SAMD5: variants seen among roughly 807,000 people sequenced by gnomAD.
SAMD5 encodes sterile alpha motif domain containing 5.
In SAMD5, 13 loss-of-function variants were observed where a neutral mutation model predicts 11.3. That is an observed-to-expected ratio of 1.15 (90% CI 0.75 to 1.83). The LOEUF is 1.83. Among genes scored for constraint, SAMD5 ranks in the 40% most tolerant of loss-of-function variants. The pLI is 0.00. For synonymous variants in SAMD5, 129 were observed against 111.3 expected (o/e 1.16, Z -1.00); for missense variants, 255 against 239.1 (o/e 1.07, Z -0.44).
chr6:147,594,210 AT>A, intron 1 of SAMD5, among the ~76,000 whole-genome samples: 1 of 152,184 alleles, frequency 6.6e-6, no homozygotes, highest in Non-Finnish European at 1.5e-5. Flanking sequence ...GAAGTAGACC[AT>A]TTGTGAATTG....
intron 1 of SAMD5, among the ~76,000 whole-genome samples, chr6:147,621,281 T>C (rs988176318): frequency 6.6e-6 from 1 of 152,122 alleles, no homozygotes; most frequent in African/African-American, 2.4e-5. Context: ...AATAAAACAG[T>C]GACAGTGAGA....
chr6:147,531,450 A>G (rs1788429109), intron 1 of SAMD5, among the ~76,000 whole-genome samples: 1 of 152,260 alleles, frequency 6.6e-6, no homozygotes, highest in African/African-American at 2.4e-5. Context: ...TTATTTCCAT[A>G]TAATGTGAAG....
At chr6:147,596,316 G>A (rs7750010) in intron 1 of SAMD5, among the ~76,000 whole-genome samples, 6,666 of 152,154 alleles carry the variant, frequency 0.044, 224 homozygotes, top group Admixed American at 0.098. Context: ...CAGTGCCTTC[G>A]ATACTGTAAA....
the SAMD5 span, among the ~76,000 whole-genome samples, chr6:147,828,661 C>T: frequency 1.3e-5 from 2 of 152,228 alleles, no homozygotes; most frequent in African/African-American, 2.4e-5. Flanking sequence ...TTGCTCTCAG[C>T]TTGCAAACAG....
the SAMD5 span, among the ~76,000 whole-genome samples, chr6:147,944,342 A>G: frequency 6.6e-6 from 1 of 152,216 alleles, no homozygotes; most frequent in African/African-American, 2.4e-5. Flanking sequence ...GGCGAAGGAA[A>G]GGAGGAGCAA....
chr6:147,747,023 G>A, the SAMD5 span, among the ~76,000 whole-genome samples: 2 of 152,166 alleles, frequency 1.3e-5, no homozygotes, highest in African/African-American at 4.8e-5. Flanking sequence ...TAAATATCAT[G>A]TCAAAAGAAA....
At chr6:147,891,767 C>A in the SAMD5 span, among the ~76,000 whole-genome samples, 3 of 151,792 alleles carry the variant, frequency 2.0e-5, no homozygotes, top group African/African-American at 4.8e-5. Flanking sequence ...TGCTTTCCAC[C>A]GTGACAGAGT....
intron 1 of SAMD5, chr6:147,692,390 C>CT (rs1791116281): frequency 6.6e-6 from 1 of 152,166 alleles, no homozygotes; most frequent in Non-Finnish European, 1.5e-5. Context: ...TGTATTTTCT[C>CT]TTTTTGCAGG....
the SAMD5 span, among the ~76,000 whole-genome samples, chr6:147,786,398 T>G: frequency 1.3e-5 from 2 of 152,342 alleles, no homozygotes; most frequent in South Asian, 4.1e-4. Flanking sequence ...TGATCTGCAG[T>G]CTAATTTATT....
the SAMD5 span, among the ~76,000 whole-genome samples, chr6:147,779,731 A>G: frequency 6.6e-6 from 1 of 152,196 alleles, no homozygotes; most frequent in Non-Finnish European, 1.5e-5. Context: ...GAGAGATAGC[A>G]CTATATGTAT....
At chr6:147,730,306 A>G (rs1791696064) in intron 1 of SAMD5, 1 of 323,620 alleles carries the variant, frequency 3.1e-6, no homozygotes, top group Admixed American at 3.9e-5. Flanking sequence ...GGGACTAAAC[A>G]CAGACTAAAG....
chr6:147,763,430 G>C, the SAMD5 span, among the ~76,000 whole-genome samples: 1 of 151,580 alleles, frequency 6.6e-6, no homozygotes, highest in Non-Finnish European at 1.5e-5. Context: ...TCAAAGTGCT[G>C]GGATTACAGG....
At chr6:147,689,698 C>T (rs910990029) in intron 1 of SAMD5, among the ~76,000 whole-genome samples, 21 of 152,252 alleles carry the variant, frequency 1.4e-4, no homozygotes, top group African/African-American at 4.8e-4. Flanking sequence ...TTTAGGAAAA[C>T]AATCACTTAT....
intron 1 of SAMD5, among the ~76,000 whole-genome samples, chr6:147,721,354 G>A (rs1410716889): frequency 6.6e-6 from 1 of 151,564 alleles, no homozygotes. Context: ...ATCCTCTCCA[G>A]CACCTGTTGT....
At chr6:147,801,908 ATTAAT>A in the SAMD5 span, among the ~76,000 whole-genome samples, 1 of 152,206 alleles carries the variant, frequency 6.6e-6, no homozygotes, top group Admixed American at 6.5e-5. Flanking sequence ...GTATGACAAA[ATTAAT>A]TTGAGATGAA....
intron 1 of SAMD5, among the ~76,000 whole-genome samples, chr6:147,715,795 G>T (rs773258344): frequency 6.6e-6 from 1 of 152,174 alleles, no homozygotes; most frequent in Non-Finnish European, 1.5e-5. Flanking sequence ...CAGGTGGGGT[G>T]TCCTGATGAA....
chr6:147,630,958 T>C (rs1270114819), intron 1 of SAMD5, among the ~76,000 whole-genome samples: 1 of 152,220 alleles, frequency 6.6e-6, no homozygotes, highest in Non-Finnish European at 1.5e-5. Context: ...TATTCACCCA[T>C]GTTTCAGAGG....
intron 1 of SAMD5, among the ~76,000 whole-genome samples, chr6:147,628,787 G>T (rs543823909): frequency 6.6e-6 from 1 of 152,152 alleles, no homozygotes; most frequent in Non-Finnish European, 1.5e-5. Flanking sequence ...ATCATTCTCT[G>T]TGGAGAACAG....
chr6:147,617,841 A>G (rs967017087), intron 1 of SAMD5, among the ~76,000 whole-genome samples: 5 of 152,246 alleles, frequency 3.3e-5, no homozygotes, highest in Admixed American at 1.3e-4. Flanking sequence ...GCCTGTTTCC[A>G]TAACTACCAC....
Sources: allele counts gnomAD v4.1 joint callset (sites outside exome capture counted in the v4.1 genomes callset), GRCh38; gene constraint gnomAD v4.1.1; transcripts MANE v1.5; gene names NCBI Gene and HGNC (gene_info 2026-07-23, HGNC 2026-07-21).